ANK2: variants seen among roughly 807,000 people sequenced by gnomAD.
The protein encoded by ANK2 is ankyrin 2.
ANK2 carries 83 observed loss-of-function variants against 360.5 expected under a neutral mutation model. The ratio of observed to expected loss-of-function variants is 0.23; its 90% CI spans 0.19 to 0.28. The LOEUF (loss-of-function observed/expected upper bound fraction) is 0.28. ANK2 is among the 10% of genes least tolerant of loss of function. ANK2 has a pLI of 1.00. For missense variants in ANK2, 4,201 were observed against 4,795.7 expected (o/e 0.88, Z 3.66); for synonymous variants, 1,740 against 1,759.5 (o/e 0.99, Z 0.28).
chr4:113,358,881 C>G lies in ANK2; in HGVS notation c.10263C>G (p.Ala3421=). ...CAGAAACAGAGAGCAGAGAGAGGGCCGAGGAACTTGAGTTAGAATCAGAAG... is the reference window on the plus strand; with the variant it reads ...CAGAAACAGAGAGCAGAGAGAGGGCGGAGGAACTTGAGTTAGAATCAGAAG... ...TETETESRER[A]EELELESEEG... is the part of the protein sequence containing the mutation. Residue 3421 remains alanine (A), a synonymous_variant, in exon 38 of 46, where the codon GCC becomes GCG. Coordinates refer to ENST00000357077, the MANE Select transcript of ANK2 (RefSeq NM_001148.6). The G allele has an allele frequency of 6.2e-7, 1 of 1,613,924 alleles. No homozygotes were observed. Among genetic ancestry groups the G allele is most frequent in the Non-Finnish European group, 8.5e-7 (1 of 1,179,942 alleles).
the ANK2 span, among the ~76,000 whole-genome samples, chr4:112,756,500 G>A: frequency 0.098 from 14,983 of 152,176 alleles, 1,083 homozygotes; most frequent in African/African-American, 0.2. Context: ...TCTTTCCAAT[G>A]TCTAGAATAG....
chr4:113,322,536 G>T (rs1334898402), intron 26 of ANK2, among the ~76,000 whole-genome samples: 1 of 152,138 alleles, frequency 6.6e-6, no homozygotes, highest in Non-Finnish European at 1.5e-5. Flanking sequence ...GCAGTAGCTA[G>T]CTTTGTAAGT....
At chr4:112,814,650 G>A (rs1277459726), upstream of ANK2, among the ~76,000 whole-genome samples, 1 of 152,122 alleles carries the variant, frequency 6.6e-6, no homozygotes, top group Admixed American at 6.5e-5. Flanking sequence ...GTTTCGCCAT[G>A]TTGCTCAGGC....
the ANK2 span, among the ~76,000 whole-genome samples, chr4:112,802,923 A>G: frequency 1.3e-4 from 20 of 152,178 alleles, no homozygotes; most frequent in African/African-American, 4.8e-4. Flanking sequence ...AGCATCCAAC[A>G]TTACATCTCT....
intron 8 of ANK2, 70 bp downstream of exon 8, chr4:113,240,653 C>T: frequency 7.4e-7 from 1 of 1,342,632 alleles, no homozygotes. Flanking sequence ...AAAAGGAACA[C>T]CAATGGCTTT....
At chr4:113,102,067 CT>C (rs1246397722) in intron 1 of ANK2, among the ~76,000 whole-genome samples, 1 of 151,932 alleles carries the variant, frequency 6.6e-6, no homozygotes, top group Non-Finnish European at 1.5e-5. Context: ...TGGGCATTGG[CT>C]AGGTGGAAAC....
chr4:112,885,899 AT>A lies in ANK2; in HGVS notation c.-39-18550del, dbSNP rs562835032. On this transcript the variant is annotated intron_variant, in intron 1 of 30. Coordinates refer to the ANK2 transcript ENST00000503271. ...TTACCAAGTTTTTCTCTGAGATGGT[AT>A]TTTTTGAACATCTAAAAGGAAGATA... 1.5e-4 allele frequency among the ~76,000 whole-genome samples: 22 copies of A among 150,806 alleles called. 1 individual carries two copies. In the South Asian group the frequency reaches 3.8e-3, roughly 26 times the overall value.
chr4:113,167,733 A>G (rs999998144), intron 1 of ANK2, among the ~76,000 whole-genome samples: 13 of 152,242 alleles, frequency 8.5e-5, no homozygotes, highest in African/African-American at 2.9e-4. Flanking sequence ...ACTAGAATGT[A>G]GAATTAGAAC....
At chr4:112,956,074 A>C (rs1255777671) in intron 2 of ANK2, among the ~76,000 whole-genome samples, 2 of 152,240 alleles carry the variant, frequency 1.3e-5, no homozygotes, top group Non-Finnish European at 2.9e-5. Flanking sequence ...CAAGATCCCC[A>C]GGGGATGCCT....
chr4:112,743,321 A>G, the ANK2 span, among the ~76,000 whole-genome samples: 1 of 152,202 alleles, frequency 6.6e-6, no homozygotes, highest in African/African-American at 2.4e-5. Flanking sequence ...CAGTTCTACA[A>G]TATTGGTTTT....
At chr4:112,975,780 T>C (rs1270419519) in intron 2 of ANK2, among the ~76,000 whole-genome samples, 1 of 152,208 alleles carries the variant, frequency 6.6e-6, no homozygotes, top group African/African-American at 2.4e-5. Context: ...CTCTGTATTA[T>C]GATGATCAGA....
chr4:113,246,736 G>A (rs1432342524), intron 9 of ANK2, among the ~76,000 whole-genome samples: 2 of 152,286 alleles, frequency 1.3e-5, no homozygotes, highest in South Asian at 2.1e-4. Context: ...AATAATTAAA[G>A]CAGTAACAAT....
intron 2 of ANK2, among the ~76,000 whole-genome samples, chr4:112,991,064 A>G (rs1178630014): frequency 6.6e-6 from 1 of 152,138 alleles, no homozygotes; most frequent in Non-Finnish European, 1.5e-5. Context: ...ATCCTGGCCA[A>G]CATGGTGAAA....
chr4:113,343,773 A>T (rs1418376577), intron 34 of ANK2, among the ~76,000 whole-genome samples: 2 of 152,190 alleles, frequency 1.3e-5, no homozygotes, highest in East Asian at 3.9e-4. Context: ...TTCAGGAAAT[A>T]AAAAGGAGGT....
chr4:113,225,470 A>C (rs973835797), intron 4 of ANK2, among the ~76,000 whole-genome samples: 2 of 152,148 alleles, frequency 1.3e-5, no homozygotes, highest in African/African-American at 4.8e-5. Flanking sequence ...ATTTTATATG[A>C]TCACTCTTTT....
intron 4 of ANK2, among the ~76,000 whole-genome samples, chr4:113,202,536 T>C (rs960593507): frequency 6.6e-6 from 1 of 152,244 alleles, no homozygotes; most frequent in Admixed American, 6.5e-5. Flanking sequence ...TCTGAAATTA[T>C]AGGAACATTG....
chr4:113,282,188 A>G (rs753342953), intron 17 of ANK2, among the ~76,000 whole-genome samples: 6 of 152,198 alleles, frequency 3.9e-5, no homozygotes, highest in Admixed American at 2.0e-4. Flanking sequence ...GATAGCACAC[A>G]CAATTCAAGA....
At chr4:113,203,301 A>G (rs528746877) in intron 4 of ANK2, among the ~76,000 whole-genome samples, 2 of 152,184 alleles carry the variant, frequency 1.3e-5, no homozygotes, top group Non-Finnish European at 2.9e-5. Flanking sequence ...TTCAAATTTC[A>G]AATTCTATAT....
At chr4:113,229,042 G>A (rs1004631439) in intron 4 of ANK2, among the ~76,000 whole-genome samples, 12 of 152,010 alleles carry the variant, frequency 7.9e-5, no homozygotes, top group African/African-American at 2.7e-4. Flanking sequence ...CACATGGAAG[G>A]GTGTGGACAC....
Sources: gnomAD v4.1 joint callset for allele counts (sites outside exome capture counted in the v4.1 genomes callset) on GRCh38, gnomAD v4.1.1 for gene constraint, MANE v1.5 for transcripts, NCBI Gene and HGNC (gene_info 2026-07-23, HGNC 2026-07-21) for gene names.